Variants in SGCD observed in about 807,000 individuals in gnomAD.
SGCD encodes the protein sarcoglycan delta.
SGCD carries 18 observed loss-of-function variants against 36.6 expected under a neutral mutation model. The observed-to-expected ratio is 0.49, with a 90% CI of 0.34 to 0.73. The LOEUF (loss-of-function observed/expected upper bound fraction) is 0.73, where lower values mean the gene tolerates loss of function less well. SGCD is among the 30% of genes least tolerant of loss of function. SGCD has a pLI of 0.01. For synonymous variants in SGCD, 133 were observed against 130.6 expected (o/e 1.02, Z -0.12); for missense variants, 387 against 346.7 (o/e 1.12, Z -0.92).
intron 3 of SGCD, among the ~76,000 whole-genome samples, chr5:156,355,190 C>A (rs1769435871): frequency 6.6e-6 from 1 of 152,180 alleles, no homozygotes; most frequent in Non-Finnish European, 1.5e-5. Flanking sequence ...TCTTGGATGG[C>A]ATGGTAAGGC....
At chr5:156,215,753 T>A (rs1042056932) in intron 3 of SGCD, among the ~76,000 whole-genome samples, 1 of 152,118 alleles carries the variant, frequency 6.6e-6, no homozygotes, top group African/African-American at 2.4e-5. Context: ...ATAGCCACTA[T>A]GTAAAATTGA....
At chr5:156,725,452 C>T (rs1755728022) in intron 7 of SGCD, among the ~76,000 whole-genome samples, 1 of 152,128 alleles carries the variant, frequency 6.6e-6, no homozygotes, top group Non-Finnish European at 1.5e-5. Flanking sequence ...CTTCAGCCAG[C>T]TTATGGAAAT....
chr5:156,108,675 C>T (rs1280737867), intron 1 of SGCD, among the ~76,000 whole-genome samples: 4 of 152,112 alleles, frequency 2.6e-5, no homozygotes, highest in Non-Finnish European at 4.4e-5. Context: ...TCAAGTCTTA[C>T]TGGCTTTCCT....
chr5:156,226,253 T>C (rs1298552185), intron 3 of SGCD, among the ~76,000 whole-genome samples: 2 of 152,102 alleles, frequency 1.3e-5, no homozygotes, highest in Non-Finnish European at 2.9e-5. Flanking sequence ...GCAAAGTCCA[T>C]TGTGTCATTC....
In SGCD at chr5:156,516,070, G is replaced by C. The variant is rs576453200; in HGVS notation, c.294+7368G>C. 3.0e-3 allele frequency among the ~76,000 whole-genome samples: 455 copies of C among 152,334 alleles called. 4 individuals are homozygous for C. Among genetic ancestry groups the C allele is most frequent in the Admixed American group, 4.4e-3 (68 of 15,308 alleles). On this transcript the variant is annotated intron_variant, in intron 4 of 8. Coordinates refer to ENST00000337851, the MANE Select transcript of SGCD (RefSeq NM_000337.6). ...GAAGCAGCTATGGTCTCCAGGCTCA[G>C]TAGTTAGTCTTTCCTGCCTGCTGGC...
intron 3 of SGCD, among the ~76,000 whole-genome samples, chr5:156,490,735 C>T (rs997228559): frequency 6.6e-6 from 1 of 151,818 alleles, no homozygotes; most frequent in East Asian, 1.9e-4. Context: ...TATGACAAAC[C>T]CACAGCTATC....
At chr5:156,012,759 C>T (rs1046565189) in intron 1 of SGCD, among the ~76,000 whole-genome samples, 10 of 151,418 alleles carry the variant, frequency 6.6e-5, no homozygotes. Flanking sequence ...ACTACAGGTA[C>T]CTGCCACCAT....
At chr5:156,284,242 T>C (rs1766532563) in intron 3 of SGCD, among the ~76,000 whole-genome samples, 2 of 152,106 alleles carry the variant, frequency 1.3e-5, no homozygotes, top group African/African-American at 2.4e-5. Flanking sequence ...CTACTAGAGC[T>C]ACATGGAGGA....
At chr5:155,967,680 C>G (rs957637818) in intron 1 of SGCD, among the ~76,000 whole-genome samples, 2 of 151,970 alleles carry the variant, frequency 1.3e-5, no homozygotes, top group Non-Finnish European at 2.9e-5. Flanking sequence ...AACCACACAC[C>G]CAATCAGTTT....
At chr5:156,743,838 A>G (rs935615464) in intron 7 of SGCD, among the ~76,000 whole-genome samples, 2 of 152,226 alleles carry the variant, frequency 1.3e-5, no homozygotes, top group African/African-American at 4.8e-5. Context: ...TTCAGATAAG[A>G]AGGAGCTTGA....
At chr5:156,126,755 A>C (rs188983856) in intron 3 of SGCD, among the ~76,000 whole-genome samples, 3 of 152,236 alleles carry the variant, frequency 2.0e-5, no homozygotes, top group African/African-American at 7.2e-5. Context: ...GGCAAATCAA[A>C]GTTCCAATAA....
chr5:156,199,350 C>A (rs929251725), intron 3 of SGCD, among the ~76,000 whole-genome samples: 1 of 152,114 alleles, frequency 6.6e-6, no homozygotes, highest in African/African-American at 2.4e-5. Flanking sequence ...CAATTTTCAA[C>A]TAAAGAACAA....
intron 3 of SGCD, among the ~76,000 whole-genome samples, chr5:156,133,932 C>T (rs1322550708): frequency 1.3e-5 from 2 of 151,366 alleles, no homozygotes; most frequent in African/African-American, 4.8e-5. Context: ...CACACACACA[C>T]ACACACACAC....
In SGCD at chr5:156,761,750, T is replaced by C. The variant is rs1426941882; in HGVS notation, c.*2360T>C. 1 of 152,178 alleles carries C rather than the reference T, an allele frequency of 6.6e-6. No homozygotes were observed. Among genetic ancestry groups the C allele is most frequent in the Non-Finnish European group, 1.5e-5 (1 of 68,046 alleles). 9.4% of individuals were successfully genotyped at this position (152,178 alleles called of 1,614,324 possible). ...TTGTTCTAATCACCACGTGAAGGAA[T>C]GAGATTAGCACCACAAGTTTCATGC... On this transcript the variant is annotated 3_prime_UTR_variant, in exon 9 of 9. Coordinates refer to ENST00000337851, the MANE Select transcript of SGCD (RefSeq NM_000337.6).
intron 3 of SGCD, among the ~76,000 whole-genome samples, chr5:156,443,079 G>T (rs1251294242): frequency 6.6e-6 from 1 of 152,128 alleles, no homozygotes; most frequent in Non-Finnish European, 1.5e-5. Context: ...CTGCCTCCTA[G>T]GTTTAGGTGA....
At chr5:156,456,063 T>A (rs1225248142) in intron 3 of SGCD, among the ~76,000 whole-genome samples, 1 of 152,206 alleles carries the variant, frequency 6.6e-6, no homozygotes, top group Admixed American at 6.5e-5. Flanking sequence ...TTCTGTTGTT[T>A]CGAGCTACCC....
At chr5:156,733,747 T>G (rs1756202533) in intron 7 of SGCD, among the ~76,000 whole-genome samples, 1 of 152,216 alleles carries the variant, frequency 6.6e-6, no homozygotes, top group Non-Finnish European at 1.5e-5. Flanking sequence ...AATGCCCTTC[T>G]TTGTATTTTT....
the SGCD span, among the ~76,000 whole-genome samples, chr5:155,748,577 C>T: frequency 6.6e-6 from 1 of 152,110 alleles, no homozygotes; most frequent in Non-Finnish European, 1.5e-5. Flanking sequence ...TTTTGATTTA[C>T]ATTACAACCT....
At chr5:156,651,185 A>C (rs1026955641) in intron 7 of SGCD, among the ~76,000 whole-genome samples, 9 of 152,032 alleles carry the variant, frequency 5.9e-5, no homozygotes, top group African/African-American at 1.9e-4. Flanking sequence ...TATAGATAAC[A>C]TATCTTTGTC....
Sources: gnomAD v4.1 joint callset for allele counts (sites outside exome capture counted in the v4.1 genomes callset) on GRCh38, gnomAD v4.1.1 for gene constraint, MANE v1.5 for transcripts, NCBI Gene and HGNC (gene_info 2026-07-23, HGNC 2026-07-21) for gene names.